The following BCORL1 variants were observed in gnomAD, a reference collection of about 807,000 sequenced individuals.
The protein encoded by BCORL1 is BCL6 corepressor like 1, also known as BCL-6 corepressor-like protein 1.
BCORL1 carries 7 observed loss-of-function variants against 87.6 expected under a neutral mutation model. The ratio of observed to expected loss-of-function variants is 0.08; its 90% CI spans 0.05 to 0.15. The LOEUF is 0.15. Ranked by LOEUF, BCORL1 falls within the 10% of genes least tolerant of loss-of-function variation. BCORL1 has a pLI of 1.00. For synonymous variants in BCORL1, 591 were observed against 634.4 expected (o/e 0.93, Z 1.03); for missense variants, 1,215 against 1,499.7 (o/e 0.81, Z 3.13).
At chrX:130,043,784 A>ATTTTT (rs1163098654) in intron 11 of BCORL1, among the ~76,000 whole-genome samples, 6 of 15,969 alleles carry the variant, frequency 3.8e-4, no homozygotes, top group East Asian at 2.6e-3. Context: ...ATATATATAT[A>ATTTTT]TTTTTTTTTT....
At chrX:130,012,225 G>T (rs1385384588) in intron 2 of BCORL1, among the ~76,000 whole-genome samples, 6 of 111,775 alleles carry the variant, frequency 5.4e-5, no homozygotes, top group Admixed American at 2.8e-4. Context: ...TCCCCTTTGA[G>T]CAATGCCCTG....
intron 2 of BCORL1, among the ~76,000 whole-genome samples, chrX:130,009,231 G>A (rs767141968): frequency 9.9e-5 from 11 of 111,143 alleles, no homozygotes; most frequent in African/African-American, 3.6e-4. Flanking sequence ...TTGGGAGGCC[G>A]AGGCAGGTGG....
chrX:130,046,906 T>G (rs1931788330), intron 11 of BCORL1, among the ~76,000 whole-genome samples: 1 of 106,313 alleles, frequency 9.4e-6, no homozygotes, highest in East Asian at 3.0e-4. Flanking sequence ...CTACTCCCCA[T>G]TCCCCCTTCC....
chrX:130,016,292 AC>A (rs1269126780), intron 4 of BCORL1, 79 bp downstream of exon 4: 28 of 1,078,948 alleles, frequency 2.6e-5, no homozygotes, highest in East Asian at 3.3e-5. Flanking sequence ...ACCTCCTGTG[AC>A]CCCTACCCTG....
intron 2 of BCORL1, among the ~76,000 whole-genome samples, chrX:130,009,254 C>T (rs371453946): frequency 1.1e-4 from 12 of 110,797 alleles, no homozygotes; most frequent in African/African-American, 2.6e-4. Flanking sequence ...CACCTGAGGT[C>T]GGGAGTTCGA....
chrX:130,012,687 C>T lies in BCORL1; in HGVS notation c.177+19C>T. ...TTCCAAGGTAAGAGGCTTTATGGAG[C>T]CACGTGCTGTCCACCAAAGGATGGA... On this transcript the variant is annotated intron_variant, in intron 3 of 13. Coordinates refer to ENST00000540052, the MANE Select transcript of BCORL1 (RefSeq NM_001379451.1). 1 of 1,176,236 alleles carries T rather than the reference C, an allele frequency of 8.5e-7. No homozygotes were observed. Among genetic ancestry groups the T allele is most frequent in the Non-Finnish European group, 1.2e-6 (1 of 864,746 alleles).
intron 13 of BCORL1, among the ~76,000 whole-genome samples, chrX:130,055,583 G>A (rs1460179659): frequency 1.8e-5 from 2 of 112,837 alleles, no homozygotes; most frequent in Non-Finnish European, 3.7e-5. Flanking sequence ...TCCTGTTTGT[G>A]TTATTTTGGA....
At chrX:130,002,883 G>A (rs1353442647) in intron 1 of BCORL1, among the ~76,000 whole-genome samples, 1 of 110,241 alleles carries the variant, frequency 9.1e-6, no homozygotes, top group Non-Finnish European at 1.9e-5. Context: ...GAGAGACAGA[G>A]ATCAAGGGAA....
intron 1 of BCORL1, among the ~76,000 whole-genome samples, chrX:130,001,661 A>G (rs772678603): frequency 1.5e-4 from 17 of 110,073 alleles, no homozygotes; most frequent in Non-Finnish European, 2.7e-4. Flanking sequence ...GAGGCAGAAG[A>G]GTCCTGAAAC....
At chrX:130,004,827 C>CAT (rs1386824956) in intron 1 of BCORL1, among the ~76,000 whole-genome samples, 1 of 112,211 alleles carries the variant, frequency 8.9e-6, no homozygotes, top group Non-Finnish European at 1.9e-5. Context: ...GTGCACCATT[C>CAT]ATATATGGGT....
intron 4 of BCORL1, among the ~76,000 whole-genome samples, chrX:130,018,816 T>G (rs1032730152): frequency 1.7e-4 from 19 of 112,527 alleles, no homozygotes; most frequent in African/African-American, 5.8e-4. Context: ...GTCTATTTTT[T>G]GGGAGTGCAA....
chrX:129,988,345 G>C (rs1178694615), intron 1 of BCORL1, among the ~76,000 whole-genome samples: 1 of 111,217 alleles, frequency 9.0e-6, no homozygotes, highest in Non-Finnish European at 1.9e-5. Context: ...TTCTGGTCAA[G>C]AGTAAAATTT....
In BCORL1 at chrX:130,032,478, C is replaced by G. The variant is rs1039527040; in HGVS notation, c.4306-1977C>G. On this transcript the variant is annotated intron_variant, in intron 8 of 13. Coordinates refer to ENST00000540052, the MANE Select transcript of BCORL1 (RefSeq NM_001379451.1). Reference sequence around the variant, plus strand: ...CACAGTGTCTTTTAGGCCCTAGCCTCAGAAGACACCTACTGTCATTTCTGC... The same window carrying G: ...CACAGTGTCTTTTAGGCCCTAGCCTGAGAAGACACCTACTGTCATTTCTGC... Among the ~76,000 whole-genome samples, 4 of 112,133 alleles carry G rather than the reference C, an allele frequency of 3.6e-5. No homozygotes were observed. The East Asian group carries it at 1.1e-3, about 31-fold the overall frequency.
At chrX:130,011,990 C>T (rs1056504702) in intron 2 of BCORL1, among the ~76,000 whole-genome samples, 1 of 111,606 alleles carries the variant, frequency 9.0e-6, no homozygotes, top group African/African-American at 3.3e-5. Flanking sequence ...CAAGTGGTAT[C>T]ATCACCAGTG....
At chrX:130,007,453 G>C (rs1165409960) in intron 2 of BCORL1, among the ~76,000 whole-genome samples, 1 of 112,585 alleles carries the variant, frequency 8.9e-6, no homozygotes, top group East Asian at 2.8e-4. Flanking sequence ...TGTTGACCTA[G>C]TTATAAGTAG....
chrX:130,024,835 C>T (rs1054949988), intron 6 of BCORL1, among the ~76,000 whole-genome samples, 155 bp from the exon 7 acceptor site: 4 of 111,921 alleles, frequency 3.6e-5, no homozygotes, highest in South Asian at 3.7e-4. Flanking sequence ...GAGGAGACTG[C>T]ACTGAAGGAA....
intron 8 of BCORL1, among the ~76,000 whole-genome samples, chrX:130,033,688 G>T (rs1009121914): frequency 8.9e-6 from 1 of 112,065 alleles, no homozygotes; most frequent in Admixed American, 9.4e-5. Context: ...GCTGTGACTA[G>T]TCAAAGATAG....
At position 130,015,257 on chromosome X, in the gene BCORL1, C is replaced by T. The variant is rs764439741; in HGVS notation, c.2485C>T (p.Leu829=). 3.3e-6 allele frequency: 4 copies of T among 1,212,216 alleles called. No homozygotes were observed. The highest frequency in any genetic ancestry group is 4.5e-6 in the Non-Finnish European group (4 of 895,651). The change falls in exon 4 of 14, where the codon CTG becomes TTG. Residue 829 remains leucine, a synonymous_variant. Transcript: ENST00000540052. ...VNGKPTSTQV[L]PVGWSPYHQA... The stretch of plus-strand genomic sequence containing the variant: ...TGGGAAACCTACCAGCACCCAGGTC[C>T]TGCCTGTTGGCTGGTCCCCGTACCA...
intron 12 of BCORL1, among the ~76,000 whole-genome samples, chrX:130,051,456 G>A (rs751363759): frequency 1.8e-5 from 2 of 113,033 alleles, no homozygotes; most frequent in African/African-American, 6.4e-5. Context: ...TCTGGGCTTC[G>A]TGGGAGCCCT....
Sources: gnomAD v4.1 joint callset for allele counts (sites outside exome capture counted in the v4.1 genomes callset) on GRCh38, gnomAD v4.1.1 for gene constraint, MANE v1.5 for transcripts, NCBI Gene and HGNC (gene_info 2026-07-23, HGNC 2026-07-21) for gene names.